Variants in ADAMTSL1 observed in about 807,000 individuals in gnomAD.
The protein encoded by ADAMTSL1 is ADAMTS like 1.
ADAMTSL1 carries 126 observed loss-of-function variants against 201.8 expected under a neutral mutation model. The observed-to-expected ratio is 0.62, with a 90% CI of 0.54 to 0.72. The LOEUF (loss-of-function observed/expected upper bound fraction) is 0.72, where lower values mean the gene tolerates loss of function less well. ADAMTSL1 is among the 30% of genes least tolerant of loss of function. The pLI, the probability that ADAMTSL1 is intolerant of heterozygous loss-of-function variation, is 0.00. For synonymous variants in ADAMTSL1, 1,121 were observed against 903.4 expected, an observed-to-expected ratio of 1.24 and a Z score of -4.32; for missense variants, 2,679 against 2,277.8, an observed-to-expected ratio of 1.18 and a Z score of -3.59.
intron 1 of ADAMTSL1, among the ~76,000 whole-genome samples, chr9:17,933,635 G>C (rs1304004220): frequency 6.6e-6 from 1 of 152,158 alleles, no homozygotes; most frequent in East Asian, 1.9e-4. Flanking sequence ...AGCATGGCTG[G>C]GGAGGCCTCA....
chr9:18,427,905 T>C (rs1819298083), intron 2 of ADAMTSL1, among the ~76,000 whole-genome samples: 1 of 152,250 alleles, frequency 6.6e-6, no homozygotes, highest in Non-Finnish European at 1.5e-5. Flanking sequence ...ATGTGCTTAG[T>C]TCTTGGTAAA....
intron 20 of ADAMTSL1, among the ~76,000 whole-genome samples, chr9:18,805,594 T>G (rs72690582): frequency 0.11 from 16,206 of 152,228 alleles, 1,100 homozygotes; most frequent in East Asian, 0.25. Flanking sequence ...GGCACAGAAT[T>G]TAAATAACTT....
intron 2 of ADAMTSL1, among the ~76,000 whole-genome samples, chr9:18,515,925 C>G (rs1012390136): frequency 6.6e-6 from 1 of 151,958 alleles, no homozygotes; most frequent in South Asian, 2.1e-4. Context: ...TGGTGAATGA[C>G]CAGGTTAATG....
intron 15 of ADAMTSL1, 128 bp downstream of exon 15, chr9:18,721,793 C>T (rs1435260133): frequency 7.2e-7 from 1 of 1,386,678 alleles, no homozygotes; most frequent in East Asian, 2.6e-5. Flanking sequence ...TCAGTTCAAA[C>T]TTTTAGTCAA....
chr9:17,929,279 C>T (rs1050390176), intron 1 of ADAMTSL1, among the ~76,000 whole-genome samples: 1 of 152,022 alleles, frequency 6.6e-6, no homozygotes, highest in African/African-American at 2.4e-5. Flanking sequence ...TCGTTATCAC[C>T]TCCCAAAAAA....
chr9:17,959,894 A>C (rs1817667172), intron 1 of ADAMTSL1, among the ~76,000 whole-genome samples: 1 of 152,152 alleles, frequency 6.6e-6, no homozygotes, highest in Non-Finnish European at 1.5e-5. Context: ...TGACCTTCCA[A>C]CAATGATTTG....
chr9:18,237,692 T>G (rs1407511386), intron 2 of ADAMTSL1, among the ~76,000 whole-genome samples: 2 of 152,198 alleles, frequency 1.3e-5, no homozygotes, highest in African/African-American at 2.4e-5. Context: ...CAACTGAATC[T>G]TTTTTTGTTG....
In ADAMTSL1 at chr9:18,656,239, T is replaced by A. The variant is rs143828849; in HGVS notation, c.835-1400T>A. ...TTCCCCCTGCATCCGAGATGTTTAA[T>A]CCACTTGTTAAATTAAGTAGCACAG... On this transcript the variant is annotated intron_variant, in intron 7 of 28. Coordinates refer to ENST00000380548, the MANE Select transcript of ADAMTSL1 (RefSeq NM_001040272.6). Among the ~76,000 whole-genome samples the A allele has an allele frequency of 2.6e-3, 393 of 152,068 alleles. 2 individuals are homozygous for A. Among genetic ancestry groups the A allele is most frequent in the Non-Finnish European group, 4.5e-3 (309 of 67,992 alleles).
chr9:18,024,327 G>A (rs958701719), intron 1 of ADAMTSL1, among the ~76,000 whole-genome samples: 1 of 151,984 alleles, frequency 6.6e-6, no homozygotes, highest in South Asian at 2.1e-4. Flanking sequence ...TATATTGTGT[G>A]ATGGTGAGGT....
At chr9:18,593,041 G>A (rs1016688794) in intron 4 of ADAMTSL1, among the ~76,000 whole-genome samples, 2 of 152,082 alleles carry the variant, frequency 1.3e-5, no homozygotes, top group African/African-American at 2.4e-5. Context: ...ATATAGAAAT[G>A]CTGCTGATTT....
At chr9:18,475,358 A>G (rs750759537) in intron 1 of ADAMTSL1, among the ~76,000 whole-genome samples, 4 of 152,186 alleles carry the variant, frequency 2.6e-5, no homozygotes, top group Admixed American at 6.5e-5. Context: ...GATCTGCGCT[A>G]TAATTTTGAA....
chr9:18,610,827 G>T (rs932671017), intron 4 of ADAMTSL1, among the ~76,000 whole-genome samples: 2 of 152,004 alleles, frequency 1.3e-5, no homozygotes, highest in African/African-American at 4.8e-5. Flanking sequence ...TATTGCTGTT[G>T]GAATATTGAC....
intron 2 of ADAMTSL1, among the ~76,000 whole-genome samples, chr9:18,414,149 T>A (rs369432921): frequency 2.6e-5 from 4 of 152,204 alleles, no homozygotes; most frequent in African/African-American, 9.6e-5. Flanking sequence ...GCTAATATCA[T>A]AAAATTTCAT....
intron 2 of ADAMTSL1, among the ~76,000 whole-genome samples, chr9:18,303,512 C>T (rs960874554): frequency 2.0e-5 from 3 of 152,148 alleles, no homozygotes; most frequent in Non-Finnish European, 4.4e-5. Flanking sequence ...AGGCCATGAG[C>T]GGGCTTCTTC....
intron 1 of ADAMTSL1, among the ~76,000 whole-genome samples, chr9:17,973,175 C>T (rs1818288190): frequency 6.6e-6 from 1 of 151,410 alleles, no homozygotes; most frequent in South Asian, 2.1e-4. Flanking sequence ...TTAATTAGAT[C>T]CCATTTGTCA....
At chr9:18,320,913 G>A (rs1482011277) in intron 2 of ADAMTSL1, among the ~76,000 whole-genome samples, 1 of 151,906 alleles carries the variant, frequency 6.6e-6, no homozygotes. Context: ...GGCAAGAATA[G>A]GAGGCAGAAA....
chr9:18,389,421 T>C (rs1379925961), intron 2 of ADAMTSL1, among the ~76,000 whole-genome samples: 1 of 152,198 alleles, frequency 6.6e-6, no homozygotes, highest in Non-Finnish European at 1.5e-5. Context: ...GTACCAAATA[T>C]CCTGAGTTAT....
chr9:18,671,434 C>T (rs1829802574), intron 9 of ADAMTSL1, among the ~76,000 whole-genome samples: 1 of 152,148 alleles, frequency 6.6e-6, no homozygotes, highest in Non-Finnish European at 1.5e-5. Context: ...AAACTTGTGT[C>T]AGGAGGAGAT....
At chr9:18,536,605 G>A (rs2132126788) in intron 3 of ADAMTSL1, among the ~76,000 whole-genome samples, 1 of 152,268 alleles carries the variant, frequency 6.6e-6, no homozygotes, top group Admixed American at 6.5e-5. Flanking sequence ...GCTGGTTCAA[G>A]AAGACTATTT....
Sources: allele counts gnomAD v4.1 joint callset (sites outside exome capture counted in the v4.1 genomes callset), GRCh38; gene constraint gnomAD v4.1.1; transcripts MANE v1.5; gene names NCBI Gene and HGNC (gene_info 2026-07-23, HGNC 2026-07-21).